The following SUPT3H variants were observed in gnomAD, a reference collection of about 807,000 sequenced individuals.
SUPT3H encodes transcription initiation protein SPT3 homolog.
SUPT3H carries 44 observed loss-of-function variants against 44.3 expected under a neutral mutation model. The ratio of observed to expected loss-of-function variants is 0.99; its 90% CI spans 0.78 to 1.28. SUPT3H has a LOEUF of 1.28. Among genes scored for constraint, SUPT3H ranks in the 50% most tolerant of loss-of-function variants. The pLI is 0.00. For synonymous variants in SUPT3H, 124 were observed against 125.6 expected (o/e 0.99, Z 0.09); for missense variants, 380 against 387.1 (o/e 0.98, Z 0.15).
At chr6:45,055,854 C>T (rs1188296097) in intron 3 of SUPT3H, among the ~76,000 whole-genome samples, 2 of 152,048 alleles carry the variant, frequency 1.3e-5, no homozygotes, top group Non-Finnish European at 2.9e-5. Flanking sequence ...AGCTTCTGCA[C>T]AGCAAAAGAA....
chr6:45,092,073 TTGTG>T (rs1462059113), intron 3 of SUPT3H, among the ~76,000 whole-genome samples: 4 of 152,176 alleles, frequency 2.6e-5, no homozygotes, highest in South Asian at 2.1e-4. Flanking sequence ...TAACCTATAA[TTGTG>T]TGTATTTGTG....
intron 2 of SUPT3H, among the ~76,000 whole-genome samples, chr6:45,218,389 C>A (rs1236017999): frequency 6.6e-6 from 1 of 152,104 alleles, no homozygotes; most frequent in Non-Finnish European, 1.5e-5. Flanking sequence ...ATTGATATAT[C>A]CACAACTATA....
chr6:44,914,990 T>TA (rs1767597755), intron 10 of SUPT3H, among the ~76,000 whole-genome samples: 2 of 152,160 alleles, frequency 1.3e-5, no homozygotes, highest in Admixed American at 6.5e-5. Context: ...ATCTGGACTC[T>TA]TACTACCATG....
chr6:44,879,292 T>G (rs1401769072), intron 10 of SUPT3H, among the ~76,000 whole-genome samples: 1 of 152,152 alleles, frequency 6.6e-6, no homozygotes, highest in Admixed American at 6.5e-5. Context: ...CCCCTCACAG[T>G]GTAAGCAAAG....
At chr6:45,025,139 T>C (rs1463873467) in intron 3 of SUPT3H, among the ~76,000 whole-genome samples, 6 of 152,212 alleles carry the variant, frequency 3.9e-5, no homozygotes, top group Non-Finnish European at 7.3e-5. Flanking sequence ...GTCTCTAATA[T>C]AGTACTATAG....
chr6:45,278,704 C>T (rs1410101346), intron 2 of SUPT3H, among the ~76,000 whole-genome samples: 3 of 152,138 alleles, frequency 2.0e-5, no homozygotes, highest in Non-Finnish European at 2.9e-5. Context: ...CAAAGCACTA[C>T]AATTTATAAG....
At chr6:45,368,149 T>C (rs973386135) in intron 1 of SUPT3H, among the ~76,000 whole-genome samples, 3 of 152,196 alleles carry the variant, frequency 2.0e-5, no homozygotes, top group Non-Finnish European at 2.9e-5. Flanking sequence ...TGTCCTGCAG[T>C]TGTTTCAGCT....
chr6:45,306,395 G>A (rs1164792441), intron 2 of SUPT3H, among the ~76,000 whole-genome samples: 2 of 152,138 alleles, frequency 1.3e-5, no homozygotes, highest in Non-Finnish European at 2.9e-5. Flanking sequence ...TGGCCACTGA[G>A]CATCCCTCCA....
intron 2 of SUPT3H, among the ~76,000 whole-genome samples, chr6:45,221,277 G>A (rs557420257): frequency 2.6e-5 from 4 of 152,186 alleles, no homozygotes; most frequent in African/African-American, 7.2e-5. Flanking sequence ...TGTAAATGAC[G>A]AGTTAATGGG....
intron 2 of SUPT3H, among the ~76,000 whole-genome samples, chr6:45,302,837 C>T (rs2149936133): frequency 6.6e-6 from 1 of 152,162 alleles, no homozygotes; most frequent in South Asian, 2.1e-4. Context: ...TCACCACATC[C>T]ATGGCACCAT....
intron 2 of SUPT3H, among the ~76,000 whole-genome samples, chr6:45,341,234 C>T (rs1789706949): frequency 6.6e-6 from 1 of 152,082 alleles, no homozygotes; most frequent in African/African-American, 2.4e-5. Context: ...AGGAATAAAG[C>T]TATGAGATTA....
rs143274579 is a variant in SUPT3H, at chr6:45,092,007, T to C, written c.186+13915A>G. 8.7e-3 allele frequency among the ~76,000 whole-genome samples: 1,327 copies of C among 152,198 alleles called. 14 individuals are homozygous for C. Among genetic ancestry groups the C allele is most frequent in the Middle Eastern group, 0.014 (4 of 294 alleles). On this transcript the variant is annotated intron_variant, in intron 3 of 10. Transcript: ENST00000371459. ...AAAGTTAGGAAACTTGATATTTTAA[T>C]ATATATTTTCTGGAACATACTTTAC... is the stretch of plus-strand genomic sequence containing the variant.
intron 9 of SUPT3H, among the ~76,000 whole-genome samples, chr6:44,937,021 T>A (rs73443229): frequency 0.12 from 17,911 of 152,138 alleles, 1,245 homozygotes; most frequent in African/African-American, 0.19. Context: ...CACATTTTCT[T>A]TACCTATTCA....
At chr6:45,217,185 A>G (rs1765200207) in intron 2 of SUPT3H, among the ~76,000 whole-genome samples, 1 of 151,438 alleles carries the variant, frequency 6.6e-6, no homozygotes, top group Non-Finnish European at 1.5e-5. Flanking sequence ...CCTTAGAAAA[A>G]TAAAATGATG....
At chr6:44,877,001 G>A (rs1051488455) in intron 10 of SUPT3H, among the ~76,000 whole-genome samples, 1 of 152,122 alleles carries the variant, frequency 6.6e-6, no homozygotes, top group Non-Finnish European at 1.5e-5. Context: ...TATACCTCAA[G>A]GAAACTGGAA....
At chr6:45,250,479 T>A (rs927952437) in intron 2 of SUPT3H, among the ~76,000 whole-genome samples, 1 of 151,796 alleles carries the variant, frequency 6.6e-6, no homozygotes, top group African/African-American at 2.4e-5. Context: ...AAGTTGAGAA[T>A]AATCTCCTAG....
intron 2 of SUPT3H, among the ~76,000 whole-genome samples, chr6:45,266,315 C>A (rs1775256173): frequency 6.6e-6 from 1 of 151,716 alleles, no homozygotes; most frequent in African/African-American, 2.4e-5. Context: ...AAAATACTTA[C>A]AACATGGACA....
intron 10 of SUPT3H, among the ~76,000 whole-genome samples, chr6:44,893,506 A>G (rs984304120): frequency 2.0e-5 from 3 of 152,226 alleles, no homozygotes; most frequent in African/African-American, 7.2e-5. Context: ...TTTACTGAGA[A>G]TAATGATTTC....
intron 2 of SUPT3H, among the ~76,000 whole-genome samples, chr6:45,199,304 C>A (rs2153624487): frequency 6.6e-6 from 1 of 151,136 alleles, no homozygotes; most frequent in African/African-American, 2.4e-5. Context: ...TTTTATTATA[C>A]CCTTCAGAAC....
Sources: gnomAD v4.1 joint callset for allele counts (sites outside exome capture counted in the v4.1 genomes callset) on GRCh38, gnomAD v4.1.1 for gene constraint, MANE v1.5 for transcripts, NCBI Gene and HGNC (gene_info 2026-07-23, HGNC 2026-07-21) for gene names.